The following ITGB1 variants were observed in gnomAD, a reference collection of about 807,000 sequenced individuals.
ITGB1 encodes the protein integrin beta-1.
In ITGB1, 24 loss-of-function variants were observed where a neutral mutation model predicts 86.5. The ratio of observed to expected loss-of-function variants is 0.28; its 90% CI spans 0.20 to 0.39. ITGB1 has a LOEUF of 0.39. Among genes scored for constraint, ITGB1 ranks in the 10% least tolerant of loss-of-function variants. The probability of loss-of-function intolerance (pLI) is 1.00; values close to 1 mark genes in which losing one functional copy is unlikely to be tolerated. For missense variants in ITGB1, 556 were observed against 946.9 expected (o/e 0.59, Z 5.42); for synonymous variants, 323 against 316.8 (o/e 1.02, Z -0.21).
chr10:32,957,168 G>C (rs1427990497), intron 1 of ITGB1, among the ~76,000 whole-genome samples: 2 of 152,170 alleles, frequency 1.3e-5, no homozygotes, highest in African/African-American at 2.4e-5. Context: ...TATTAATGTA[G>C]ATATTACTGT....
At chr10:32,950,493 G>T (rs2095040495) in intron 1 of ITGB1, among the ~76,000 whole-genome samples, 1 of 151,868 alleles carries the variant, frequency 6.6e-6, no homozygotes, top group African/African-American at 2.4e-5. Context: ...CACTACAGAG[G>T]TGTTTATGGC....
chr10:32,926,360 T>C (rs1285498269), intron 5 of ITGB1, among the ~76,000 whole-genome samples: 1 of 152,166 alleles, frequency 6.6e-6, no homozygotes, highest in African/African-American at 2.4e-5. Context: ...ACTGATACAG[T>C]TTGGGTATCT....
intron 15 of ITGB1, among the ~76,000 whole-genome samples, chr10:32,906,758 T>A (rs1434640478): frequency 6.6e-6 from 1 of 151,998 alleles, no homozygotes. Context: ...CCTGTGACAG[T>A]TGAGAGAAGT....
chr10:32,938,662 C>A (rs568074524), intron 1 of ITGB1, among the ~76,000 whole-genome samples: 3 of 152,316 alleles, frequency 2.0e-5, no homozygotes, highest in East Asian at 3.9e-4. Context: ...GCTGAGAGAA[C>A]AAGGCCAGCA....
At chr10:32,945,728 G>A (rs1209461920) in intron 1 of ITGB1, among the ~76,000 whole-genome samples, 1 of 152,142 alleles carries the variant, frequency 6.6e-6, no homozygotes, top group Non-Finnish European at 1.5e-5. Flanking sequence ...CTAGCATTGT[G>A]GAGCATGGTG....
In ITGB1 at chr10:32,924,907, A is replaced by G. The variant is rs146947451; in HGVS notation, c.786+964T>C. ...ACAAGAGCCCTATGAGGTAGATACT[A>G]TCATGATCCCTTCTTAAAGAGAAGA... is the stretch of plus-strand genomic sequence containing the variant. On this transcript the variant is annotated intron_variant, in intron 6 of 15. Transcript: ENST00000302278. Among the ~76,000 whole-genome samples the G allele has an allele frequency of 6.6e-3, 1,010 of 152,344 alleles. 10 individuals are homozygous for G. Among genetic ancestry groups the G allele is most frequent in the African/African-American group, 0.023 (960 of 41,586 alleles).
At position 32,935,580 on chromosome 10, in the gene ITGB1, A is replaced by G. The variant is rs373216413; in HGVS notation, c.1-22T>C. On this transcript the variant is annotated intron_variant, in intron 1 of 15. Transcript: ENST00000302278. ...TCATCTGAAATGTAAAATGTGCCTT[A>G]TATTAGTTATAAAGAAATAAAATGA... is the stretch of plus-strand genomic sequence containing the variant. 24 of 1,515,898 alleles carry G rather than the reference A, an allele frequency of 1.6e-5. No homozygotes were observed. In the African/African-American group the frequency reaches 2.6e-4, roughly 16 times the overall value. 93.9% of individuals were successfully genotyped at this position (1,515,898 alleles called of 1,614,324 possible). A position where few individuals can be genotyped will look rare whatever the true frequency, so the allele number is the denominator to read the frequency against.
At position 32,922,343 on chromosome 10, in the gene ITGB1, G is replaced by C; in HGVS notation, c.1042C>G (p.Leu348Val). The change falls in exon 9 of 16, where the codon CTG becomes GTG. Residue 348 changes from leucine (L) to valine (V), a missense_variant. By Grantham distance (32) the Leu-to-Val change is conservative. Transcript: ENST00000302278. Reference protein sequence around the residue: ...TEEFQPVYKELKNLIPKSAVG... With the variant: ...TEEFQPVYKEVKNLIPKSAVG... ...GCTGACTTAGGGATCAAGTTTTTCA[G>C]CTCCTGCAATTAAAAGATAAAACAC... 1 of 1,601,472 alleles carries C rather than the reference G, an allele frequency of 6.2e-7. No homozygotes were observed. Among genetic ancestry groups the C allele is most frequent in the Non-Finnish European group, 8.5e-7 (1 of 1,171,268 alleles).
intron 15 of ITGB1, among the ~76,000 whole-genome samples, chr10:32,906,180 A>G (rs2094895899): frequency 6.6e-6 from 1 of 152,230 alleles, no homozygotes; most frequent in South Asian, 2.1e-4. Flanking sequence ...ATGATATTGT[A>G]GTTGCATACC....
At chr10:32,924,812 T>A (rs1260933719) in intron 6 of ITGB1, among the ~76,000 whole-genome samples, 4 of 152,178 alleles carry the variant, frequency 2.6e-5, no homozygotes, top group Non-Finnish European at 5.9e-5. Context: ...TCGAAAGTAA[T>A]AACAATATAG....
intron 11 of ITGB1, among the ~76,000 whole-genome samples, chr10:32,916,183 G>A (rs1356255811): frequency 6.6e-6 from 1 of 152,166 alleles, no homozygotes; most frequent in Non-Finnish European, 1.5e-5. Context: ...AGCTATTTAT[G>A]ATCAACCCAC....
intron 1 of ITGB1, among the ~76,000 whole-genome samples, chr10:32,941,384 T>C (rs2095017872): frequency 6.6e-6 from 1 of 152,208 alleles, no homozygotes; most frequent in South Asian, 2.1e-4. Context: ...TAATTTTCTA[T>C]TGTAAGTATA....
At chr10:32,917,239 T>C (rs1369856606) in intron 11 of ITGB1, among the ~76,000 whole-genome samples, 4 of 151,894 alleles carry the variant, frequency 2.6e-5, no homozygotes, top group Admixed American at 6.6e-5. Context: ...CATAAAAACC[T>C]CAGAAGAAAA....
In ITGB1 at chr10:32,929,973, G is replaced by A. The variant is rs2137225564; in HGVS notation, c.225C>T (p.Cys75=). The change falls in exon 4 of 16, where the codon TGC becomes TGT. Residue 75 remains cysteine (C), a synonymous_variant. Transcript: ENST00000302278. ...TGGGATTTTCTATGTCATCTGGAGG[G>A]CAACCCTTCTTTTTTAAGGCTTCTA... is the stretch of plus-strand genomic sequence containing the variant. ...DDLEALKKKG[C]PPDDIENPRG... 1 of 1,225,678 alleles carries A rather than the reference G, an allele frequency of 8.2e-7. No individual in the cohort carries two copies. Among genetic ancestry groups the A allele is most frequent in the South Asian group, 1.2e-5 (1 of 83,406 alleles). The allele number at this position is 1,225,678 out of a possible 1,614,324, so 75.9% of individuals were successfully genotyped here. A position where few individuals can be genotyped will look rare whatever the true frequency, so the allele number is the denominator to read the frequency against.
At chr10:32,906,227 G>C (rs1267669872) in intron 15 of ITGB1, among the ~76,000 whole-genome samples, 1 of 152,018 alleles carries the variant, frequency 6.6e-6, no homozygotes, top group African/African-American at 2.4e-5. Context: ...TTTCTATTTT[G>C]CAATTTGGAT....
At chr10:32,944,894 A>G (rs2095027592) in intron 1 of ITGB1, 1 of 1,343,114 alleles carries the variant, frequency 7.4e-7, no homozygotes, top group Non-Finnish European at 1.1e-6. Flanking sequence ...GACGGTTATC[A>G]AAAGACTAAA....
intron 1 of ITGB1, among the ~76,000 whole-genome samples, chr10:32,938,842 G>A (rs574511367): frequency 9.8e-5 from 15 of 152,326 alleles, no homozygotes; most frequent in African/African-American, 3.6e-4. Context: ...GAACACAGAA[G>A]AGCTACAGGA....
chr10:32,932,739 T>TC lies in ITGB1; in HGVS notation c.68-140dup, dbSNP rs1305243821. 7 of 571,474 alleles carry TC rather than the reference T, an allele frequency of 1.2e-5. No homozygotes were observed. In the East Asian group the frequency reaches 2.1e-4, roughly 17 times the overall value. 35.4% of individuals were successfully genotyped at this position (571,474 alleles called of 1,614,324 possible). A position where few individuals can be genotyped will look rare whatever the true frequency, so the allele number is the denominator to read the frequency against. On this transcript the variant is annotated intron_variant, in intron 2 of 15. Transcript: ENST00000302278. Reference sequence around the variant, plus strand: ...CCTAGTTACCATCTAAACTAGACCTTCCCCAAAGAGAGCAGGATTTTTTAA... The same window carrying TC: ...CCTAGTTACCATCTAAACTAGACCTTCCCCCAAAGAGAGCAGGATTTTTTAA...
intron 2 of ITGB1, among the ~76,000 whole-genome samples, chr10:32,934,777 C>A (rs867493887): frequency 6.6e-6 from 1 of 151,972 alleles, no homozygotes; most frequent in African/African-American, 2.4e-5. Context: ...TGAAGTGGAA[C>A]CTTTGTTTAG....
Sources: gnomAD v4.1 joint callset for allele counts (sites outside exome capture counted in the v4.1 genomes callset) on GRCh38, gnomAD v4.1.1 for gene constraint, MANE v1.5 for transcripts, NCBI Gene and HGNC (gene_info 2026-07-23, HGNC 2026-07-21) for gene names.